Variants in LGSN observed in about 807,000 individuals in gnomAD.
LGSN encodes lengsin.
LGSN carries 21 observed loss-of-function variants against 19.5 expected under a neutral mutation model. The ratio of observed to expected loss-of-function variants is 1.07; its 90% CI spans 0.76 to 1.55. LGSN has a LOEUF of 1.55. Ranked by LOEUF, LGSN falls within the 40% of genes most tolerant of loss-of-function variation. The probability of loss-of-function intolerance (pLI) is 0.00; values close to 1 mark genes in which losing one functional copy is unlikely to be tolerated. For synonymous variants in LGSN, 257 were observed against 215.6 expected, an observed-to-expected ratio of 1.19 and a Z score of -1.68; for missense variants, 673 against 608.5, an observed-to-expected ratio of 1.11 and a Z score of -1.12.
chr6:63,288,008 G>A (rs1483852445), intron 2 of LGSN, among the ~76,000 whole-genome samples: 2 of 151,916 alleles, frequency 1.3e-5, no homozygotes, highest in Non-Finnish European at 1.5e-5. Context: ...GAGGTCAGGA[G>A]TTCAAGACCA....
the LGSN span, among the ~76,000 whole-genome samples, chr6:63,382,679 T>C: frequency 1.3e-5 from 2 of 152,300 alleles, no homozygotes; most frequent in Non-Finnish European, 1.5e-5. Flanking sequence ...CCTGTAGACA[T>C]ATATACTTGA....
At chr6:63,361,699 A>G in the LGSN span, among the ~76,000 whole-genome samples, 6 of 152,186 alleles carry the variant, frequency 3.9e-5, no homozygotes, top group East Asian at 1.2e-3. Context: ...GTGAGATGCA[A>G]CCGGTACCTC....
chr6:63,323,504 C>G (rs1053104805), upstream of LGSN, among the ~76,000 whole-genome samples: 3 of 149,900 alleles, frequency 2.0e-5, no homozygotes, highest in Non-Finnish European at 4.4e-5. Context: ...TTAATGGCAT[C>G]ATTCTACTTA....
At position 63,279,814 on chromosome 6, in the gene LGSN, C is replaced by T. The variant is rs1480127543; in HGVS notation, c.*207G>A. ...AAGTTTGCATATTATAGCTTCACCA[C>T]AACTTTGTTGTTTGTTTCTGTTATC... On this transcript the variant is annotated 3_prime_UTR_variant, in exon 4 of 4. Coordinates refer to ENST00000370657, the MANE Select transcript of LGSN (RefSeq NM_016571.3). 5 of 477,034 alleles carry T rather than the reference C, an allele frequency of 1.0e-5. No homozygotes were observed. The highest frequency in any genetic ancestry group is 1.9e-5 in the Non-Finnish European group (5 of 269,770). 29.6% of individuals were successfully genotyped at this position (477,034 alleles called of 1,614,324 possible).
At chr6:63,538,738 C>A in the LGSN span, among the ~76,000 whole-genome samples, 1 of 152,144 alleles carries the variant, frequency 6.6e-6, no homozygotes, top group Non-Finnish European at 1.5e-5. Context: ...ACATGGAAGG[C>A]TTGTTAAAAC....
chr6:63,345,517 A>G, the LGSN span, among the ~76,000 whole-genome samples: 1 of 152,218 alleles, frequency 6.6e-6, no homozygotes, highest in South Asian at 2.1e-4. Flanking sequence ...GGAGGTCACT[A>G]GAAGTGTCAG....
At chr6:63,529,741 T>A in the LGSN span, among the ~76,000 whole-genome samples, 1 of 152,142 alleles carries the variant, frequency 6.6e-6, no homozygotes, top group Non-Finnish European at 1.5e-5. Context: ...CAGTTCATCA[T>A]CCTATCAGCC....
At chr6:63,328,672 T>C in the LGSN span, among the ~76,000 whole-genome samples, 1 of 152,254 alleles carries the variant, frequency 6.6e-6, no homozygotes, top group Non-Finnish European at 1.5e-5. Context: ...CTCCAAGAGC[T>C]ATCCTGGCTC....
At chr6:63,303,969 CT>C (rs2127392056) in intron 1 of LGSN, among the ~76,000 whole-genome samples, 1 of 152,340 alleles carries the variant, frequency 6.6e-6, no homozygotes, top group East Asian at 1.9e-4. Context: ...CAAGACTTCT[CT>C]TCCATCGTGA....
the LGSN span, chr6:63,572,459 G>C: frequency 5.2e-6 from 2 of 384,754 alleles, no homozygotes; most frequent in African/African-American, 2.1e-5. Context: ...CTATAAAGGG[G>C]AGGGCTTGTG....
chr6:63,297,378 A>C (rs959497326), intron 1 of LGSN, among the ~76,000 whole-genome samples: 5 of 150,272 alleles, frequency 3.3e-5, no homozygotes, highest in African/African-American at 1.2e-4. Flanking sequence ...AAAAAAGCCC[A>C]AAAACTAAGG....
the LGSN span, among the ~76,000 whole-genome samples, chr6:63,517,435 A>C: frequency 1.3e-5 from 2 of 152,218 alleles, no homozygotes; most frequent in Admixed American, 6.5e-5. Context: ...TCTGAATTTT[A>C]AAAAGAAATT....
chr6:63,487,823 A>G, the LGSN span, among the ~76,000 whole-genome samples: 32 of 152,134 alleles, frequency 2.1e-4, no homozygotes, highest in African/African-American at 7.5e-4. Context: ...TCTATTAAAA[A>G]TGCAAATATT....
At chr6:63,495,414 TCTTC>T in the LGSN span, among the ~76,000 whole-genome samples, 4 of 150,880 alleles carry the variant, frequency 2.7e-5, no homozygotes, top group Non-Finnish European at 5.9e-5. Flanking sequence ...ATCCAGTCCC[TCTTC>T]TCAAAGATAC....
chr6:63,461,252 G>A, the LGSN span, among the ~76,000 whole-genome samples: 4 of 152,114 alleles, frequency 2.6e-5, no homozygotes, highest in Non-Finnish European at 5.9e-5. Context: ...GGGTTTCACC[G>A]TGTTGGCCAT....
the LGSN span, among the ~76,000 whole-genome samples, chr6:63,408,009 A>G: frequency 6.6e-6 from 1 of 152,218 alleles, no homozygotes; most frequent in East Asian, 1.9e-4. Flanking sequence ...ACTACAAACC[A>G]CTGCTCAAGG....
the LGSN span, among the ~76,000 whole-genome samples, chr6:63,453,674 G>C: frequency 6.6e-6 from 1 of 151,244 alleles, no homozygotes. Flanking sequence ...CTTTTTTTGA[G>C]ACAGAGTCTC....
chr6:63,509,347 G>A, the LGSN span, among the ~76,000 whole-genome samples: 13 of 151,604 alleles, frequency 8.6e-5, no homozygotes, highest in Middle Eastern at 3.4e-3. Flanking sequence ...TTACAGGCAT[G>A]AGCCACCACG....
chr6:63,463,677 A>C, the LGSN span, among the ~76,000 whole-genome samples: 1 of 152,200 alleles, frequency 6.6e-6, no homozygotes, highest in African/African-American at 2.4e-5. Context: ...GCTGGGAAAA[A>C]ACAGGTCATG....
Sources: allele counts gnomAD v4.1 joint callset (sites outside exome capture counted in the v4.1 genomes callset), GRCh38; gene constraint gnomAD v4.1.1; transcripts MANE v1.5; gene names NCBI Gene and HGNC (gene_info 2026-07-23, HGNC 2026-07-21).